Variants in MEGF6 observed in about 807,000 individuals in gnomAD.
MEGF6 encodes the protein multiple EGF like domains 6, also known as multiple epidermal growth factor-like domains protein 6.
A neutral mutation model predicts 207.1 loss-of-function variants in MEGF6; 184 were observed. The ratio of observed to expected loss-of-function variants is 0.89; its 90% CI spans 0.79 to 1.00. The LOEUF (loss-of-function observed/expected upper bound fraction) is 1.00, where lower values mean the gene tolerates loss of function less well. Ranked by LOEUF, MEGF6 falls within the 50% of genes least tolerant of loss-of-function variation. The probability of loss-of-function intolerance (pLI) is 0.00; values close to 1 mark genes in which losing one functional copy is unlikely to be tolerated. For missense variants in MEGF6, 2,282 were observed against 2,202.9 expected (o/e 1.04, Z -0.72); for synonymous variants, 1,038 against 910.0 (o/e 1.14, Z -2.53).
At chr1:3,581,914 C>A (rs7528917) in intron 3 of MEGF6, among the ~76,000 whole-genome samples, 1 of 151,906 alleles carries the variant, frequency 6.6e-6, no homozygotes, top group Admixed American at 6.5e-5. Context: ...TCCCCTAAAC[C>A]CCATACCATT....
chr1:3,499,384 C>T, intron 23 of MEGF6, 118 bp from the exon 24 acceptor site: 1 of 1,434,010 alleles, frequency 7.0e-7, no homozygotes. Context: ...GGCCAACTCT[C>T]CCCTCCCTCT....
intron 4 of MEGF6, among the ~76,000 whole-genome samples, chr1:3,551,163 C>T (rs541180778): frequency 9.0e-4 from 137 of 152,324 alleles, no homozygotes; most frequent in Non-Finnish European, 1.7e-3. Flanking sequence ...ACCCAGCCCC[C>T]GTGGTGGTGA....
At chr1:3,608,151 C>T (rs1411030603) in intron 1 of MEGF6, among the ~76,000 whole-genome samples, 1 of 152,126 alleles carries the variant, frequency 6.6e-6, no homozygotes, top group Non-Finnish European at 1.5e-5. Context: ...TCTGCTTATG[C>T]TTCCCAGGGC....
At chr1:3,528,774 G>A (rs1304975466) in intron 4 of MEGF6, among the ~76,000 whole-genome samples, 3 of 152,098 alleles carry the variant, frequency 2.0e-5, no homozygotes, top group Non-Finnish European at 2.9e-5. Context: ...AGCTGAAAGG[G>A]GCAAGAGACA....
chr1:3,493,637 C>G (rs1640470675), intron 34 of MEGF6, 134 bp downstream of exon 34: 1 of 1,257,756 alleles, frequency 8.0e-7, no homozygotes, highest in Admixed American at 2.7e-5. Flanking sequence ...CCAGGGGGCA[C>G]AGTCCAGGTG....
At chr1:3,497,599 C>A (rs1165788337) in intron 26 of MEGF6, 1 of 686,446 alleles carries the variant, frequency 1.5e-6, no homozygotes, top group Admixed American at 2.1e-5. Context: ...CACAGTGAGG[C>A]CCGAATGTGC....
At position 3,573,688 on chromosome 1, in the gene MEGF6, G is replaced by A. The variant is rs887364387; in HGVS notation, c.481+6137C>T. On this transcript the variant is annotated intron_variant, in intron 4 of 36. Transcript: ENST00000356575. This position sits in a 1 kb window ranked among gnomAD's most constrained non-coding sequence, Gnocchi z 5.1. The stretch of plus-strand genomic sequence containing the variant: ...CAGAGCCCGCCCTTCCAGGAGCCCC[G>A]TCCTCCCCTCCCACCACTCCCTGGG... Among the ~76,000 whole-genome samples, 10 of 152,042 alleles carry A rather than the reference G, an allele frequency of 6.6e-5. No homozygotes were observed. The highest frequency in any genetic ancestry group is 1.9e-4 in the African/African-American group (8 of 41,414).
upstream of MEGF6, among the ~76,000 whole-genome samples, chr1:3,613,358 G>A (rs1644351929): frequency 6.6e-6 from 1 of 152,220 alleles, no homozygotes; most frequent in Non-Finnish European, 1.5e-5. Flanking sequence ...TCGGGTGGAG[G>A]TGCAAGCCCG....
chr1:3,587,881 AGTGGCCAG>A (rs1557799094), intron 3 of MEGF6, among the ~76,000 whole-genome samples: 1 of 115,710 alleles, frequency 8.6e-6, no homozygotes, highest in Non-Finnish European at 1.9e-5. Context: ...AGTGGCCAGG[AGTGGCCAG>A]GAGGGGGCAG....
chr1:3,581,261 C>T (rs1570185475), intron 3 of MEGF6, among the ~76,000 whole-genome samples: 1 of 152,284 alleles, frequency 6.6e-6, no homozygotes, highest in Non-Finnish European at 1.5e-5. Context: ...ATGCTTCTTC[C>T]TCCCACCCTC....
intron 4 of MEGF6, among the ~76,000 whole-genome samples, chr1:3,542,568 C>T (rs12065874): frequency 0.22 from 34,184 of 152,026 alleles, 4,643 homozygotes; most frequent in African/African-American, 0.38. Context: ...GAGCCCAGGC[C>T]GAGGGGAAGA....
At chr1:3,588,496 G>A (rs28497998) in intron 3 of MEGF6, among the ~76,000 whole-genome samples, 1 of 91,564 alleles carries the variant, frequency 1.1e-5, no homozygotes, top group Non-Finnish European at 2.2e-5. Context: ...CCAGGAGGGG[G>A]CAGGACAGGG....
chr1:3,589,251 C>T (rs1205840626), intron 3 of MEGF6, among the ~76,000 whole-genome samples: 3 of 152,162 alleles, frequency 2.0e-5, no homozygotes, highest in Non-Finnish European at 4.4e-5. Context: ...CACAGCCTTG[C>T]TGACACCTTG....
At chr1:3,593,811 G>A (rs970426272) in intron 3 of MEGF6, among the ~76,000 whole-genome samples, 2 of 151,668 alleles carry the variant, frequency 1.3e-5, no homozygotes, top group East Asian at 3.9e-4. Context: ...GACCCCCTCC[G>A]AGGGGCGGCT....
At chr1:3,608,574 G>A (rs776965928) in intron 1 of MEGF6, among the ~76,000 whole-genome samples, 1 of 152,194 alleles carries the variant, frequency 6.6e-6, no homozygotes, top group Non-Finnish European at 1.5e-5. Flanking sequence ...CCAGAACACT[G>A]GCCATTTTTG....
At chr1:3,520,795 G>A (rs984100346) in intron 5 of MEGF6, among the ~76,000 whole-genome samples, 3 of 152,168 alleles carry the variant, frequency 2.0e-5, no homozygotes, top group Non-Finnish European at 4.4e-5. Context: ...AGGTGTGGAG[G>A]TTGTACCTTT....
chr1:3,578,823 G>A (rs1417932796), intron 4 of MEGF6, among the ~76,000 whole-genome samples: 1 of 151,698 alleles, frequency 6.6e-6, no homozygotes, highest in African/African-American at 2.4e-5. Context: ...GGAACGTGGA[G>A]TGGGCAGGAG....
rs146208448 is a variant in MEGF6, at chr1:3,575,928, C to T, written c.481+3897G>A. On this transcript the variant is annotated intron_variant, in intron 4 of 36. Transcript: ENST00000356575. ...TGACCCCCACTTCCCGACCCTTCTG[C>T]CAGGCCCACTCCGGGCCTCACCTAC... 1.6e-4 allele frequency among the ~76,000 whole-genome samples: 24 copies of T among 152,356 alleles called. 1 individual carries two copies. The highest frequency in any genetic ancestry group is 5.5e-4 in the African/African-American group (23 of 41,586).
intron 33 of MEGF6, 42 bp downstream of exon 33, chr1:3,493,954 G>T: frequency 6.3e-7 from 1 of 1,583,192 alleles, no homozygotes; most frequent in Non-Finnish European, 8.6e-7. Flanking sequence ...CAGACGGGAC[G>T]GGGCCAGGGA....
Sources: allele counts gnomAD v4.1 joint callset (sites outside exome capture counted in the v4.1 genomes callset), GRCh38; gene constraint gnomAD v4.1.1; non-coding constraint Gnocchi (gnomAD v3.1); transcripts MANE v1.5; gene names NCBI Gene and HGNC (gene_info 2026-07-23, HGNC 2026-07-21).